UGGT1: variants seen among roughly 807,000 people sequenced by gnomAD.
The protein encoded by UGGT1 is UDP-glucose:glycoprotein glucosyltransferase 1.
In UGGT1, 107 loss-of-function variants were observed where a neutral mutation model predicts 203.9. The observed-to-expected ratio is 0.52, with a 90% CI of 0.45 to 0.62. The LOEUF is 0.62. UGGT1 is among the 20% of genes least tolerant of loss of function. The probability of loss-of-function intolerance (pLI) is 0.00; values close to 1 mark genes in which losing one functional copy is unlikely to be tolerated. For missense variants in UGGT1, 1,673 were observed against 1,867.2 expected, an observed-to-expected ratio of 0.90 and a Z score of 1.92; for synonymous variants, 628 against 653.5, an observed-to-expected ratio of 0.96 and a Z score of 0.59.
Position 128,138,514 on chromosome 2 carries a change from TA to T in UGGT1, c.1584-189del, listed in dbSNP as rs112766490. Among the ~76,000 whole-genome samples, 1,221 of 141,498 alleles carry T rather than the reference TA, an allele frequency of 8.6e-3. 10 individuals carry two copies. The highest frequency in any genetic ancestry group is 0.028 in the African/African-American group (1,074 of 38,258). 92.8% of individuals were successfully genotyped at this position (141,498 alleles called of 152,430 possible). A position where few individuals can be genotyped will look rare whatever the true frequency, so the allele number is the denominator to read the frequency against. ...TGGGCAACAAGAGTGAAACTCTGTC[TA>T]AAAAAAAAAAAAACCTTTGTAAGTG... On this transcript the variant is annotated intron_variant, in intron 15 of 40. Transcript: ENST00000259253.
In UGGT1 at chr2:128,127,289, A is replaced by G. The variant is rs1688649761; in HGVS notation, c.1135-72A>G. Reference sequence around the variant, plus strand: ...GATGCCAAGATTTGTACAGGTAGTGAAGCCCAGAAACAATAAAATTTTTTT... The same window carrying G: ...GATGCCAAGATTTGTACAGGTAGTGGAGCCCAGAAACAATAAAATTTTTTT... On this transcript the variant is annotated intron_variant, in intron 11 of 40. Coordinates refer to ENST00000259253, the MANE Select transcript of UGGT1 (RefSeq NM_020120.4). The G allele has an allele frequency of 9.5e-6, 10 of 1,050,774 alleles. No individual in the cohort carries two copies. In the East Asian group the frequency reaches 2.6e-4, roughly 27 times the overall value. The allele number at this position is 1,050,774 out of a possible 1,614,324, so 65.1% of individuals were successfully genotyped here. A position where few individuals can be genotyped will look rare whatever the true frequency, so the allele number is the denominator to read the frequency against.
At chr2:128,098,585 G>T (rs921491581) in intron 2 of UGGT1, among the ~76,000 whole-genome samples, 33 of 151,970 alleles carry the variant, frequency 2.2e-4, no homozygotes, top group African/African-American at 8.0e-4. Context: ...GGGAAACCCC[G>T]TCTCTCCAGA....
intron 25 of UGGT1, among the ~76,000 whole-genome samples, chr2:128,163,900 T>G (rs1007281171): frequency 6.6e-6 from 1 of 152,136 alleles, no homozygotes; most frequent in African/African-American, 2.4e-5. Flanking sequence ...TGAAATAGGC[T>G]GGGCACGGTG....
At chr2:128,104,474 G>T (rs1687514995) in intron 3 of UGGT1, among the ~76,000 whole-genome samples, 1 of 152,142 alleles carries the variant, frequency 6.6e-6, no homozygotes, top group Admixed American at 6.5e-5. Flanking sequence ...GGTATCAAAT[G>T]AATGATTATC....
rs889660731 is a variant in UGGT1, at chr2:128,121,060, A to C, written c.974-139A>C. ...AGTGAATAAAACCTGAAATTAAATC[A>C]TGGGCACTCTCTGGAATGGTTGCAT... On this transcript the variant is annotated intron_variant, in intron 9 of 40. Transcript: ENST00000259253. The C allele has an allele frequency of 2.5e-5, 19 of 767,634 alleles. No homozygotes were observed. In the African/African-American group the frequency reaches 3.1e-4, roughly 13 times the overall value. 47.6% of individuals were successfully genotyped at this position (767,634 alleles called of 1,614,324 possible).
At chr2:128,098,500 A>G (rs1687215015) in intron 2 of UGGT1, among the ~76,000 whole-genome samples, 1 of 152,184 alleles carries the variant, frequency 6.6e-6, no homozygotes, top group Admixed American at 6.5e-5. Context: ...CATGCCTGTA[A>G]ATCCCAGCTC....
rs1689520372 is a variant in UGGT1 at position 128,143,145 on chromosome 2, A to G, written c.1771A>G (p.Ser591Gly). 6.2e-6 allele frequency: 10 copies of G among 1,614,048 alleles called. No homozygotes were observed. In the East Asian group the frequency reaches 2.2e-4, roughly 36 times the overall value. The change falls in exon 17 of 41, where the codon AGT becomes GGT. Residue 591 changes from serine to glycine, a missense_variant. By Grantham distance (56) the Ser-to-Gly change is moderately conservative. This residue lies in a region of UGGT1 where 1,073 missense variants were observed against 1,078.7 expected (regional missense o/e 0.99). Coordinates refer to ENST00000259253, the MANE Select transcript of UGGT1 (RefSeq NM_020120.4). ...GEKVKVEHVV[S>G]VLEKKYPYVE... ...AAAAGTGAAAGTTGAACATGTGGTC[A>G]GTGTCCTGGAGAAGAAATATCCGTA...
At chr2:128,127,055 C>G (rs968935125) in intron 11 of UGGT1, among the ~76,000 whole-genome samples, 2 of 152,196 alleles carry the variant, frequency 1.3e-5, no homozygotes, top group African/African-American at 4.8e-5. Context: ...GAATTCCTCT[C>G]TCTCGGAAGA....
chr2:128,162,934 A>G (rs1248183741), intron 25 of UGGT1, among the ~76,000 whole-genome samples: 1 of 152,080 alleles, frequency 6.6e-6, no homozygotes, highest in Non-Finnish European at 1.5e-5. Flanking sequence ...GCTTCCCAAA[A>G]TTACCTTGTC....
At position 128,159,725 on chromosome 2, in the gene UGGT1, G is replaced by A; in HGVS notation, c.2562+5G>A. 6.2e-7 allele frequency: 1 copy of A among 1,613,166 alleles called. No homozygotes were observed. The highest frequency in any genetic ancestry group is 8.5e-7 in the Non-Finnish European group (1 of 1,179,320). ...ATTGCGGAGTTCTCTGTTGGGGTAA[G>A]GCTCTGAGCCTCTCATGAGGCTGCC... On this transcript the variant is annotated splice_donor_5th_base_variant and intron_variant, in intron 23 of 40. Transcript: ENST00000259253.
intron 10 of UGGT1, 59 bp from the exon 11 acceptor site, chr2:128,123,127 A>C: frequency 7.4e-7 from 1 of 1,343,388 alleles, no homozygotes; most frequent in Non-Finnish European, 1.0e-6. Flanking sequence ...AAAATATGGA[A>C]ATTGAAGACT....
chr2:128,100,442 T>C (rs1263591954), intron 2 of UGGT1, among the ~76,000 whole-genome samples: 1 of 152,078 alleles, frequency 6.6e-6, no homozygotes, highest in East Asian at 1.9e-4. Context: ...GTTTCGCTCT[T>C]GTTGCCCAGG....
intron 37 of UGGT1, among the ~76,000 whole-genome samples, 155 bp from the exon 38 acceptor site, chr2:128,183,520 A>C (rs1691815665): frequency 6.6e-6 from 1 of 152,238 alleles, no homozygotes; most frequent in Non-Finnish European, 1.5e-5. Flanking sequence ...AGAGATCTTT[A>C]AAGTAGCACA....
At chr2:128,116,672 G>A (rs1160908437) in intron 8 of UGGT1, among the ~76,000 whole-genome samples, 1 of 152,012 alleles carries the variant, frequency 6.6e-6, no homozygotes, top group Non-Finnish European at 1.5e-5. Context: ...TTACAGGCAT[G>A]CACCACCACA....
chr2:128,133,955 T>C (rs1466711015), intron 14 of UGGT1, among the ~76,000 whole-genome samples: 1 of 152,104 alleles, frequency 6.6e-6, no homozygotes, highest in East Asian at 1.9e-4. Flanking sequence ...AAAGAGATAG[T>C]GGTAGGGTTA....
At chr2:128,141,859 C>T (rs1214864965) in intron 16 of UGGT1, among the ~76,000 whole-genome samples, 1 of 151,484 alleles carries the variant, frequency 6.6e-6, no homozygotes, top group Non-Finnish European at 1.5e-5. Flanking sequence ...ATTTAGATTT[C>T]TCTATCTCTC....
At chr2:128,102,044 T>C (rs1408213332) in intron 2 of UGGT1, among the ~76,000 whole-genome samples, 3 of 152,192 alleles carry the variant, frequency 2.0e-5, no homozygotes, top group Non-Finnish European at 2.9e-5. Context: ...TTAACAATTA[T>C]CAATTTAAGT....
chr2:128,135,743 C>T (rs574503030), intron 15 of UGGT1, among the ~76,000 whole-genome samples: 4 of 152,028 alleles, frequency 2.6e-5, no homozygotes, highest in African/African-American at 7.2e-5. Context: ...GTTATAAGTG[C>T]GTTAGGATTT....
chr2:128,137,311 T>A (rs1689172266), intron 15 of UGGT1, among the ~76,000 whole-genome samples: 1 of 152,114 alleles, frequency 6.6e-6, no homozygotes, highest in Admixed American at 6.5e-5. Flanking sequence ...CCCAGCTACT[T>A]GGGAGGCTGA....
Sources: gnomAD v4.1 joint callset for allele counts (sites outside exome capture counted in the v4.1 genomes callset) on GRCh38, gnomAD v4.1.1 for gene constraint, gnomAD v4.1.1 regional missense constraint, MANE v1.5 for transcripts, NCBI Gene and HGNC (gene_info 2026-07-23, HGNC 2026-07-21) for gene names.